TSPAN9: variants seen among roughly 807,000 people sequenced by gnomAD.
TSPAN9 encodes tetraspanin-9.
A neutral mutation model predicts 31.0 loss-of-function variants in TSPAN9; 16 were observed. That is an observed-to-expected ratio of 0.52 (90% CI 0.35 to 0.78). The LOEUF is 0.78. Among genes scored for constraint, TSPAN9 ranks in the 30% least tolerant of loss-of-function variants. The pLI, the probability that TSPAN9 is intolerant of heterozygous loss-of-function variation, is 0.01. For synonymous variants in TSPAN9, 145 were observed against 121.6 expected (o/e 1.19, Z -1.27); for missense variants, 272 against 312.5 (o/e 0.87, Z 0.98).
rs2153981230 is a variant in TSPAN9 at position 3,283,086 on chromosome 12, C to A, written c.690C>A (p.Ile230=). 4 of 1,609,776 alleles carry A rather than the reference C, an allele frequency of 2.5e-6. No individual in the cohort carries two copies. Among genetic ancestry groups the A allele is most frequent in the Non-Finnish European group, 3.4e-6 (4 of 1,179,984 alleles). ...TCTCCATGACCCTCTTCCAGCACAT[C>A]CACCGGACTGGTAAGAAGTACGACG... is the stretch of plus-strand genomic sequence containing the variant. ...MAFSMTLFQH[I]HRTGKKYDA The change falls in exon 9 of 9, where the codon ATC becomes ATA. Residue 230 remains isoleucine, a synonymous_variant. Coordinates refer to ENST00000011898, the MANE Select transcript of TSPAN9 (RefSeq NM_006675.5).
At chr12:3,123,396 T>C (rs568269921) in intron 2 of TSPAN9, among the ~76,000 whole-genome samples, 59 of 152,324 alleles carry the variant, frequency 3.9e-4, no homozygotes, top group African/African-American at 1.4e-3. Flanking sequence ...CTTCTGTGGC[T>C]CTGTGCTGAC....
intron 1 of TSPAN9, among the ~76,000 whole-genome samples, chr12:3,079,939 A>T (rs912268785): frequency 7.6e-5 from 11 of 143,936 alleles, no homozygotes; most frequent in Non-Finnish European, 1.2e-4. Context: ...TCAGATAATT[A>T]AAAAAATTTT....
intron 3 of TSPAN9, among the ~76,000 whole-genome samples, chr12:3,238,205 G>A (rs775978133): frequency 6.6e-6 from 1 of 152,178 alleles, no homozygotes; most frequent in Non-Finnish European, 1.5e-5. Context: ...CACGTGATCT[G>A]CCCAAGGCTC....
At chr12:3,114,529 AC>A (rs1440084928) in intron 2 of TSPAN9, among the ~76,000 whole-genome samples, 1 of 152,156 alleles carries the variant, frequency 6.6e-6, no homozygotes, top group African/African-American at 2.4e-5. Flanking sequence ...TTTCTCATTA[AC>A]ACCATAATCG....
At chr12:3,121,419 G>T in intron 2 of TSPAN9, among the ~76,000 whole-genome samples, 1 of 141,830 alleles carries the variant, frequency 7.1e-6, no homozygotes, top group African/African-American at 2.7e-5. Context: ...GAGTGCAGTG[G>T]TGTGATCACA....
chr12:3,101,753 T>C (rs1376451591), intron 2 of TSPAN9, among the ~76,000 whole-genome samples: 5 of 152,126 alleles, frequency 3.3e-5, no homozygotes, highest in African/African-American at 1.2e-4. Flanking sequence ...TGTCCCATTG[T>C]CTCCTGTGTC....
rs148446547 is a variant in TSPAN9, at chr12:3,094,544, T to G, written c.-18+10825T>G. On this transcript the variant is annotated intron_variant, in intron 2 of 8. Coordinates refer to ENST00000011898, the MANE Select transcript of TSPAN9 (RefSeq NM_006675.5). ...TCTTGTTGTTGTTGTTGTTGTTTTTTTTTTTTTTTGAGACGGAGTTTTGCT... is the reference window on the plus strand; with the variant it reads ...TCTTGTTGTTGTTGTTGTTGTTTTTGTTTTTTTTTGAGACGGAGTTTTGCT... 3.8e-4 allele frequency among the ~76,000 whole-genome samples: 38 copies of G among 99,854 alleles called. 1 individual carries two copies. In the East Asian group the frequency reaches 7.5e-3, roughly 20 times the overall value. The allele number at this position is 99,854 out of a possible 152,430, so 65.5% of individuals were successfully genotyped here. A position where few individuals can be genotyped will look rare whatever the true frequency, so the allele number is the denominator to read the frequency against.
rs533728581 is a variant in TSPAN9 at position 3,238,272 on chromosome 12, G to T, written c.63+37016G>T. On this transcript the variant is annotated intron_variant, in intron 3 of 8. Coordinates refer to ENST00000011898, the MANE Select transcript of TSPAN9 (RefSeq NM_006675.5). ...CCCTGCTTCTGCATCTGTGTCCTCT[G>T]CTGTTCCCACTCTGCTGAGCAACTT... Among the ~76,000 whole-genome samples, 7 of 152,274 alleles carry T rather than the reference G, an allele frequency of 4.6e-5. No individual in the cohort carries two copies. The East Asian group carries it at 1.3e-3, about 29-fold the overall frequency.
chr12:3,081,380 A>T (rs2098297729), intron 1 of TSPAN9, among the ~76,000 whole-genome samples: 1 of 152,092 alleles, frequency 6.6e-6, no homozygotes, highest in South Asian at 2.1e-4. Context: ...TCCCTCCTGG[A>T]ACCCTTGGTT....
At chr12:3,162,932 G>A (rs1027425455) in intron 2 of TSPAN9, among the ~76,000 whole-genome samples, 3 of 152,200 alleles carry the variant, frequency 2.0e-5, no homozygotes, top group East Asian at 1.9e-4. Flanking sequence ...GCAGAACGTC[G>A]GAGGGACACG....
At chr12:3,207,680 A>C (rs980150898) in intron 3 of TSPAN9, among the ~76,000 whole-genome samples, 1 of 152,140 alleles carries the variant, frequency 6.6e-6, no homozygotes, top group African/African-American at 2.4e-5. Flanking sequence ...GAACTGGAGA[A>C]GCCCTTGGGC....
chr12:3,227,604 A>G (rs1216213243), intron 3 of TSPAN9, among the ~76,000 whole-genome samples: 1 of 152,028 alleles, frequency 6.6e-6, no homozygotes, highest in African/African-American at 2.4e-5. Context: ...GTCATGAGGG[A>G]GTGTTTGTGT....
intron 2 of TSPAN9, among the ~76,000 whole-genome samples, chr12:3,160,191 G>A (rs1026078759): frequency 2.0e-5 from 3 of 152,138 alleles, no homozygotes; most frequent in African/African-American, 7.2e-5. Flanking sequence ...CATGTAATAC[G>A]GGTTTTGATT....
At chr12:3,194,863 C>CA (rs1465252814) in intron 2 of TSPAN9, among the ~76,000 whole-genome samples, 1 of 152,264 alleles carries the variant, frequency 6.6e-6, no homozygotes, top group African/African-American at 2.4e-5. Context: ...AGCCTCCCCC[C>CA]ACCATGTGGG....
chr12:3,138,709 G>C (rs1431491145), intron 2 of TSPAN9, among the ~76,000 whole-genome samples: 2 of 151,820 alleles, frequency 1.3e-5, no homozygotes, highest in Non-Finnish European at 2.9e-5. Context: ...GGCCAGGCTT[G>C]TCCCAAAGTC....
At chr12:3,277,698 C>T (rs761971598) in intron 3 of TSPAN9, among the ~76,000 whole-genome samples, 24 of 152,244 alleles carry the variant, frequency 1.6e-4, no homozygotes, top group Non-Finnish European at 2.9e-4. Context: ...GAGCTGGTGG[C>T]GCCGGCAGCC....
At chr12:3,151,639 G>A (rs2153968622) in intron 2 of TSPAN9, among the ~76,000 whole-genome samples, 1 of 152,132 alleles carries the variant, frequency 6.6e-6, no homozygotes, top group East Asian at 1.9e-4. Flanking sequence ...ATGCTTGGTG[G>A]GACATGGCGC....
chr12:3,152,372 C>T (rs925693673), intron 2 of TSPAN9, among the ~76,000 whole-genome samples: 3 of 152,242 alleles, frequency 2.0e-5, no homozygotes, highest in African/African-American at 7.2e-5. Context: ...CCACCGGCCC[C>T]TCTTTTTGGA....
intron 2 of TSPAN9, among the ~76,000 whole-genome samples, chr12:3,129,013 T>C (rs1006419222): frequency 8.5e-5 from 13 of 152,230 alleles, no homozygotes; most frequent in African/African-American, 3.1e-4. Context: ...AGTGGAATCA[T>C]GCAATATTGA....
Sources: gnomAD v4.1 joint callset for allele counts (sites outside exome capture counted in the v4.1 genomes callset) on GRCh38, gnomAD v4.1.1 for gene constraint, MANE v1.5 for transcripts, NCBI Gene and HGNC (gene_info 2026-07-23, HGNC 2026-07-21) for gene names.